Variants in CNTNAP5 observed in about 807,000 individuals in gnomAD.
CNTNAP5 encodes the protein contactin-associated protein-like 5.
Under a neutral mutation model 150.2 loss-of-function variants are expected in CNTNAP5, and 72 were observed. The ratio of observed to expected loss-of-function variants is 0.48; its 90% CI spans 0.40 to 0.58. CNTNAP5 has a LOEUF of 0.58. CNTNAP5 is among the 20% of genes least tolerant of loss of function. CNTNAP5 has a pLI of 0.00. For missense variants in CNTNAP5, 1,636 were observed against 1,626.2 expected (o/e 1.01, Z -0.10); for synonymous variants, 672 against 619.8 (o/e 1.08, Z -1.25).
intron 3 of CNTNAP5, among the ~76,000 whole-genome samples, chr2:124,296,839 G>A (rs2565755): frequency 0.68 from 103,643 of 152,100 alleles, 35,584 homozygotes; most frequent in African/African-American, 0.73. Flanking sequence ...GCTGCAGTAG[G>A]CACTGCTATT....
intron 1 of CNTNAP5, among the ~76,000 whole-genome samples, chr2:124,155,526 T>C (rs1684506693): frequency 6.6e-6 from 1 of 152,086 alleles, no homozygotes; most frequent in Non-Finnish European, 1.5e-5. Context: ...GTAAACCTGC[T>C]TTACTAGGAA....
chr2:124,242,589 C>T, intron 3 of CNTNAP5, 196 bp downstream of exon 3: 1 of 410,332 alleles, frequency 2.4e-6, no homozygotes, highest in African/African-American at 5.8e-5. Flanking sequence ...ATGTCTGTCG[C>T]AAATAGTTTA....
chr2:124,744,777 T>C (rs1396040915), intron 13 of CNTNAP5, among the ~76,000 whole-genome samples: 1 of 152,186 alleles, frequency 6.6e-6, no homozygotes, highest in African/African-American at 2.4e-5. Context: ...CCTGACTACA[T>C]GGTTAGCATC....
rs145521003 is a variant in CNTNAP5 at position 124,420,910 on chromosome 2, C to T, written c.529+3320C>T. ...GAAACTCTGACTAATACAGAATGTTCTAGAGAAACTACTTTTCTCAAGATC... is the reference window on the plus strand; with the variant it reads ...GAAACTCTGACTAATACAGAATGTTTTAGAGAAACTACTTTTCTCAAGATC... On this transcript the variant is annotated intron_variant, in intron 4 of 23. Transcript: ENST00000682447. Among the ~76,000 whole-genome samples the T allele has an allele frequency of 3.7e-3, 557 of 152,262 alleles. 3 individuals carry two copies. The highest frequency in any genetic ancestry group is 0.013 in the African/African-American group (534 of 41,552).
intron 19 of CNTNAP5, among the ~76,000 whole-genome samples, chr2:124,818,904 G>A (rs1682426569): frequency 6.6e-6 from 1 of 152,134 alleles, no homozygotes; most frequent in Non-Finnish European, 1.5e-5. Flanking sequence ...ATTATTTCTA[G>A]GATGTGCCCA....
intron 1 of CNTNAP5, among the ~76,000 whole-genome samples, chr2:124,059,167 G>A (rs1681934911): frequency 1.3e-5 from 2 of 152,060 alleles, no homozygotes; most frequent in African/African-American, 4.8e-5. Context: ...AAAGTTTATT[G>A]TATTTATTAT....
At chr2:124,279,162 A>G (rs935058306) in intron 3 of CNTNAP5, among the ~76,000 whole-genome samples, 1 of 151,894 alleles carries the variant, frequency 6.6e-6, no homozygotes, top group Non-Finnish European at 1.5e-5. Flanking sequence ...TTCATCTTCA[A>G]GTGTTCTAGT....
intron 1 of CNTNAP5, among the ~76,000 whole-genome samples, chr2:124,057,427 A>T (rs1029159053): frequency 1.9e-5 from 2 of 106,192 alleles, no homozygotes; most frequent in African/African-American, 7.2e-5. Context: ...GACTGCAGGC[A>T]CCCACCAGCA....
chr2:124,464,323 C>G (rs1693325452), intron 6 of CNTNAP5, among the ~76,000 whole-genome samples: 1 of 152,024 alleles, frequency 6.6e-6, no homozygotes, highest in African/African-American at 2.4e-5. Flanking sequence ...TAAGAAATCA[C>G]CCACTCTCTA....
At chr2:124,498,147 T>C (rs1312537581) in intron 7 of CNTNAP5, among the ~76,000 whole-genome samples, 1 of 152,198 alleles carries the variant, frequency 6.6e-6, no homozygotes, top group South Asian at 2.1e-4. Flanking sequence ...CACTTCTGGT[T>C]TAGTGGCAGA....
intron 1 of CNTNAP5, among the ~76,000 whole-genome samples, chr2:124,184,082 T>C (rs571231650): frequency 2.6e-5 from 4 of 152,140 alleles, no homozygotes; most frequent in South Asian, 2.1e-4. Flanking sequence ...TGGTAGAGTA[T>C]TGGGGAGTTC....
chr2:124,687,040 A>G (rs1679207659), intron 13 of CNTNAP5, among the ~76,000 whole-genome samples: 1 of 152,096 alleles, frequency 6.6e-6, no homozygotes, highest in Non-Finnish European at 1.5e-5. Flanking sequence ...TTTGCAATCC[A>G]CAAGTTGAGT....
At chr2:124,794,018 T>C (rs1001411231) in intron 18 of CNTNAP5, among the ~76,000 whole-genome samples, 4 of 152,218 alleles carry the variant, frequency 2.6e-5, no homozygotes, top group African/African-American at 9.6e-5. Flanking sequence ...GCACTTAATA[T>C]AACTAAGATA....
At position 124,439,396 on chromosome 2, in the gene CNTNAP5, C is replaced by G. The variant is rs552050300; in HGVS notation, c.733+4709C>G. 2.0e-5 allele frequency among the ~76,000 whole-genome samples: 3 copies of G among 152,236 alleles called. No homozygotes were observed. In the South Asian group the frequency reaches 6.2e-4, roughly 32 times the overall value. The stretch of plus-strand genomic sequence containing the variant: ...CTGGTAAAATAGTTATTTCTACTTA[C>G]TTTTTAGCTTGGTTATATTAATTGG... On this transcript the variant is annotated intron_variant, in intron 5 of 23. Coordinates refer to ENST00000682447, the MANE Select transcript of CNTNAP5 (RefSeq NM_001367498.1).
chr2:124,399,274 T>C (rs1244135806), intron 3 of CNTNAP5, among the ~76,000 whole-genome samples: 8 of 152,072 alleles, frequency 5.3e-5, no homozygotes, highest in Admixed American at 4.6e-4. Flanking sequence ...TGTGGGTTAT[T>C]ATGTGGTTTT....
chr2:124,809,595 A>G (rs1221568051), intron 19 of CNTNAP5, among the ~76,000 whole-genome samples: 1 of 145,650 alleles, frequency 6.9e-6, no homozygotes, highest in East Asian at 2.0e-4. Context: ...TTAAAAAAAA[A>G]CCTGGCAAAC....
At chr2:124,252,186 G>A (rs1352250226) in intron 3 of CNTNAP5, among the ~76,000 whole-genome samples, 1 of 152,174 alleles carries the variant, frequency 6.6e-6, no homozygotes, top group Non-Finnish European at 1.5e-5. Context: ...ATAAATATGT[G>A]AGAATTTAAG....
At position 124,791,697 on chromosome 2, in the gene CNTNAP5, T is replaced by TC. The variant is rs796165893; in HGVS notation, c.2992+1556_2992+1557insC. Among the ~76,000 whole-genome samples, 80 of 146,758 alleles carry TC rather than the reference T, an allele frequency of 5.5e-4. 1 individual carries two copies. The highest frequency in any genetic ancestry group is 3.5e-3 in the Middle Eastern group (1 of 286). On this transcript the variant is annotated intron_variant, in intron 18 of 23. Coordinates refer to ENST00000682447, the MANE Select transcript of CNTNAP5 (RefSeq NM_001367498.1). ...GTTCTAAATGTAGCCTAATTTCTTT[T>TC]TTTTTTTTTTTTTTTGGCTCCTTTC... is the stretch of plus-strand genomic sequence containing the variant.
intron 1 of CNTNAP5, among the ~76,000 whole-genome samples, chr2:124,046,434 A>AG (rs1553432331): frequency 0.25 from 901 of 3,612 alleles, 13 homozygotes; most frequent in Admixed American, 0.29. Context: ...CAAAAGAGAG[A>AG]AAAAAAAAAA....
Sources: allele counts gnomAD v4.1 joint callset (sites outside exome capture counted in the v4.1 genomes callset), GRCh38; gene constraint gnomAD v4.1.1; transcripts MANE v1.5; gene names NCBI Gene and HGNC (gene_info 2026-07-23, HGNC 2026-07-21).